The following ZNF521 variants were observed in gnomAD, a reference collection of about 807,000 sequenced individuals.
ZNF521 encodes LYST-interacting protein 3.
ZNF521 carries 14 observed loss-of-function variants against 105.5 expected under a neutral mutation model. The ratio of observed to expected loss-of-function variants is 0.13; its 90% CI spans 0.09 to 0.21. The LOEUF is 0.21. ZNF521 is among the 10% of genes least tolerant of loss of function. The pLI is 1.00. For missense variants in ZNF521, 1,233 were observed against 1,629.7 expected, an observed-to-expected ratio of 0.76 and a Z score of 4.19; for synonymous variants, 635 against 606.0, an observed-to-expected ratio of 1.05 and a Z score of -0.70.
intron 3 of ZNF521, among the ~76,000 whole-genome samples, chr18:25,232,906 C>T (rs1430074778): frequency 6.6e-6 from 1 of 152,130 alleles, no homozygotes; most frequent in Non-Finnish European, 1.5e-5. Flanking sequence ...TGCCAGCAGG[C>T]TATAGGAGCA....
At chr18:25,197,227 A>T (rs1373289476) in intron 4 of ZNF521, among the ~76,000 whole-genome samples, 1 of 151,868 alleles carries the variant, frequency 6.6e-6, no homozygotes, top group African/African-American at 2.4e-5. Context: ...TATATTTTTT[A>T]TTAACAAAGC....
intron 5 of ZNF521, among the ~76,000 whole-genome samples, chr18:25,161,730 A>T (rs1161759273): frequency 6.6e-6 from 1 of 152,210 alleles, no homozygotes; most frequent in Non-Finnish European, 1.5e-5. Flanking sequence ...TGGTCATTTG[A>T]GTTAATGCAA....
chr18:25,212,541 ATATATATATAT>A (rs2036209506), intron 4 of ZNF521, among the ~76,000 whole-genome samples: 1 of 92,168 alleles, frequency 1.1e-5, no homozygotes, highest in Non-Finnish European at 2.1e-5. Context: ...AAAAAAAAAT[ATATATATATAT>A]ATATATATAT....
intron 2 of ZNF521, among the ~76,000 whole-genome samples, chr18:25,340,485 T>C (rs1036090068): frequency 3.9e-5 from 6 of 152,196 alleles, no homozygotes; most frequent in Admixed American, 2.6e-4. Flanking sequence ...AGTAAGGCTG[T>C]CCAAACTGCG....
chr18:25,317,829 T>C (rs1001058527), intron 3 of ZNF521, among the ~76,000 whole-genome samples: 4 of 152,080 alleles, frequency 2.6e-5, no homozygotes, highest in Non-Finnish European at 5.9e-5. Context: ...ACGGATAATA[T>C]AAATGTTAGC....
At chr18:25,139,822 G>A (rs892727316) in intron 5 of ZNF521, among the ~76,000 whole-genome samples, 1 of 152,156 alleles carries the variant, frequency 6.6e-6, no homozygotes, top group African/African-American at 2.4e-5. Flanking sequence ...CCCTGAAGGT[G>A]GTGGTATTAG....
chr18:25,244,282 GCA>G (rs57083520), intron 3 of ZNF521, among the ~76,000 whole-genome samples: 8,625 of 146,976 alleles, frequency 0.059, 248 homozygotes, highest in Middle Eastern at 0.086. Flanking sequence ...GTATGCATGT[GCA>G]CACACACACA....
At chr18:25,253,719 A>G (rs1167340861) in intron 3 of ZNF521, among the ~76,000 whole-genome samples, 1 of 152,186 alleles carries the variant, frequency 6.6e-6, no homozygotes, top group Non-Finnish European at 1.5e-5. Flanking sequence ...GATAATAAAA[A>G]ATATGGTTAA....
At chr18:25,254,743 A>G (rs772084791) in intron 3 of ZNF521, among the ~76,000 whole-genome samples, 16 of 152,232 alleles carry the variant, frequency 1.1e-4, no homozygotes, top group Middle Eastern at 6.8e-3. Context: ...ATCTTATTTG[A>G]TACCCACTGT....
intron 5 of ZNF521, among the ~76,000 whole-genome samples, chr18:25,182,355 G>A (rs1291520532): frequency 6.6e-6 from 1 of 152,124 alleles, no homozygotes; most frequent in African/African-American, 2.4e-5. Flanking sequence ...CACAGTATAA[G>A]CACCTTCCCC....
rs562008096 is a variant in ZNF521, at chr18:25,215,838, T to C, written c.3573+8507A>G. Among the ~76,000 whole-genome samples the C allele has an allele frequency of 4.8e-3, 725 of 152,280 alleles. 8 individuals are homozygous for C. Among genetic ancestry groups the C allele is most frequent in the Non-Finnish European group, 5.1e-3 (349 of 68,022 alleles). ...GCACCTGCTCCCACATTCCAACCCA[T>C]GGTACTGGTGCCAGGGCCGTTGACT... On this transcript the variant is annotated intron_variant, in intron 4 of 7. Coordinates refer to ENST00000361524, the MANE Select transcript of ZNF521 (RefSeq NM_015461.3).
chr18:25,203,337 C>T lies in ZNF521; in HGVS notation c.3574-8093G>A, dbSNP rs574986592. ...TCTTGAGTTTGAAACTGTTACAAGG[C>T]CTGGTGTGGTGGCTCATGCCTATAA... On this transcript the variant is annotated intron_variant, in intron 4 of 7. Coordinates refer to ENST00000361524, the MANE Select transcript of ZNF521 (RefSeq NM_015461.3). Among the ~76,000 whole-genome samples the T allele has an allele frequency of 2.0e-5, 3 of 152,178 alleles. No individual in the cohort carries two copies. In the East Asian group the frequency reaches 5.8e-4, roughly 29 times the overall value.
chr18:25,161,921 C>A (rs77189610), intron 5 of ZNF521, among the ~76,000 whole-genome samples: 1 of 152,122 alleles, frequency 6.6e-6, no homozygotes, highest in South Asian at 2.1e-4. Flanking sequence ...ACAATGATGG[C>A]GGGTTACAAC....
chr18:25,224,402 C>T lies in ZNF521; in HGVS notation c.3516G>A (p.Gln1172=). 6.2e-7 allele frequency: 1 copy of T among 1,613,782 alleles called. No individual in the cohort carries two copies. The highest frequency in any genetic ancestry group is 1.1e-5 in the South Asian group (1 of 91,058). The change falls in exon 4 of 8, where the codon CAG becomes CAA. Residue 1172 remains glutamine, a synonymous_variant. Transcript: ENST00000361524. ...RELVPDSNST[Q]LKTPQVSPMP... ...TTGGTGATACTTGGGGCGTTTTCAA[C>T]TGTGTGCTGTTGCTGTCTGGCACGA...
intron 5 of ZNF521, among the ~76,000 whole-genome samples, chr18:25,115,069 A>AT (rs1168261517): frequency 6.6e-6 from 1 of 152,156 alleles, no homozygotes; most frequent in African/African-American, 2.4e-5. Context: ...TTCTATGCCA[A>AT]TGGAAGGGAG....
chr18:25,255,735 A>G (rs1487430408), intron 3 of ZNF521, among the ~76,000 whole-genome samples: 1 of 151,990 alleles, frequency 6.6e-6, no homozygotes, highest in African/African-American at 2.4e-5. Context: ...ACATAGTATC[A>G]GCTCACAATT....
intron 3 of ZNF521, among the ~76,000 whole-genome samples, chr18:25,313,746 T>C (rs1206659638): frequency 2.6e-5 from 4 of 152,226 alleles, no homozygotes; most frequent in Non-Finnish European, 5.9e-5. Flanking sequence ...GTATAATGCA[T>C]GTATGTATGT....
chr18:25,121,341 G>A lies in ZNF521; in HGVS notation c.3659-29260C>T, dbSNP rs191295430. Reference sequence around the variant, plus strand: ...GCGATCTCAGCTCACTGCAACCTCCGCCTCCCAGGTTCAAGCAATTCTCCT... The same window carrying A: ...GCGATCTCAGCTCACTGCAACCTCCACCTCCCAGGTTCAAGCAATTCTCCT... On this transcript the variant is annotated intron_variant, in intron 5 of 7. Transcript: ENST00000361524. 6.1e-3 allele frequency among the ~76,000 whole-genome samples: 880 copies of A among 144,454 alleles called. 3 individuals carry two copies. The highest frequency in any genetic ancestry group is 9.8e-3 in the Non-Finnish European group (653 of 66,660). 94.8% of individuals were successfully genotyped at this position (144,454 alleles called of 152,430 possible).
chr18:25,249,210 C>G (rs1166147360), intron 3 of ZNF521, among the ~76,000 whole-genome samples: 2 of 151,010 alleles, frequency 1.3e-5, no homozygotes, highest in Non-Finnish European at 2.9e-5. Context: ...GTGGTGCAAT[C>G]TCGGCTCACT....
Sources: gnomAD v4.1 joint callset for allele counts (sites outside exome capture counted in the v4.1 genomes callset) on GRCh38, gnomAD v4.1.1 for gene constraint, MANE v1.5 for transcripts, NCBI Gene and HGNC (gene_info 2026-07-23, HGNC 2026-07-21) for gene names.